Variants in CADM2 observed in about 807,000 individuals in gnomAD.
CADM2 encodes the protein immunoglobulin superfamily member 4D.
In CADM2, 12 loss-of-function variants were observed where a neutral mutation model predicts 49.8. That is an observed-to-expected ratio of 0.24 (90% CI 0.15 to 0.39). The LOEUF is 0.39. CADM2 is among the 10% of genes least tolerant of loss of function. The probability of loss-of-function intolerance (pLI) is 1.00; values close to 1 mark genes in which losing one functional copy is unlikely to be tolerated. For synonymous variants in CADM2, 214 were observed against 175.4 expected (o/e 1.22, Z -1.74); for missense variants, 378 against 492.3 (o/e 0.77, Z 2.20).
intron 5 of CADM2, among the ~76,000 whole-genome samples, chr3:85,891,088 C>T (rs1366043508): frequency 6.6e-6 from 1 of 151,862 alleles, no homozygotes; most frequent in Non-Finnish European, 1.5e-5. Context: ...GTTTTTTATC[C>T]CCTTTATGAG....
intron 1 of CADM2, among the ~76,000 whole-genome samples, chr3:85,093,429 A>G (rs1308582911): frequency 6.6e-6 from 1 of 151,822 alleles, no homozygotes; most frequent in Non-Finnish European, 1.5e-5. Flanking sequence ...GAGAATCAGA[A>G]TCGTTTGAAC....
intron 1 of CADM2, among the ~76,000 whole-genome samples, chr3:85,562,698 G>A (rs1418858374): frequency 1.3e-5 from 2 of 152,068 alleles, no homozygotes; most frequent in African/African-American, 2.4e-5. Context: ...GGAGATGGGG[G>A]GAGCTAAAGG....
At position 85,800,819 on chromosome 3, in the gene CADM2, A is replaced by T. The variant is rs930171839; in HGVS notation, c.89-1228A>T. 3.3e-5 allele frequency: 5 copies of T among 152,294 alleles called. No individual in the cohort carries two copies. In the East Asian group the frequency reaches 9.7e-4, roughly 29 times the overall value. The allele number at this position is 152,294 out of a possible 1,614,324, so 9.4% of individuals were successfully genotyped here. A position where few individuals can be genotyped will look rare whatever the true frequency, so the allele number is the denominator to read the frequency against. ...ATCACCCACCTTCTGCCTTGGTCTC[A>T]CTGGGAGCTGCAGACTGGAGCTGTT... On this transcript the variant is annotated intron_variant, in intron 2 of 9. Transcript: ENST00000383699.
intron 1 of CADM2, among the ~76,000 whole-genome samples, chr3:85,603,000 A>C (rs568320513): frequency 1.1e-4 from 17 of 151,024 alleles, no homozygotes; most frequent in East Asian, 3.9e-4. Flanking sequence ...AGTTAAGCAA[A>C]CCCCCTATGT....
chr3:85,201,995 G>A (rs561723069), intron 1 of CADM2, among the ~76,000 whole-genome samples: 591 of 149,184 alleles, frequency 4.0e-3, no homozygotes, highest in Non-Finnish European at 7.1e-3. Context: ...CAGGAGAACC[G>A]CTTGAACCAG....
intron 1 of CADM2, among the ~76,000 whole-genome samples, chr3:85,285,051 A>T (rs1353280306): frequency 6.6e-6 from 1 of 152,116 alleles, no homozygotes; most frequent in Non-Finnish European, 1.5e-5. Flanking sequence ...TTTTGAAGGT[A>T]GTGCAGATAG....
intron 2 of CADM2, among the ~76,000 whole-genome samples, chr3:85,760,410 A>C (rs1270316847): frequency 6.6e-6 from 1 of 151,740 alleles, no homozygotes; most frequent in East Asian, 1.9e-4. Context: ...TTGTACGTTG[A>C]TGACATTTAT....
intron 1 of CADM2, among the ~76,000 whole-genome samples, chr3:85,705,268 T>G (rs1007220248): frequency 1.3e-5 from 2 of 151,472 alleles, no homozygotes; most frequent in Non-Finnish European, 2.9e-5. Flanking sequence ...ACGTTTTGTA[T>G]GTGATGACTT....
At chr3:85,772,683 CAGTTT>C (rs1434438149) in intron 2 of CADM2, among the ~76,000 whole-genome samples, 2 of 151,982 alleles carry the variant, frequency 1.3e-5, no homozygotes, top group African/African-American at 4.8e-5. Context: ...CCAAGAAGTT[CAGTTT>C]AGAGGAGGAG....
At chr3:85,635,910 C>T (rs761293247) in intron 1 of CADM2, among the ~76,000 whole-genome samples, 1 of 152,082 alleles carries the variant, frequency 6.6e-6, no homozygotes, top group Admixed American at 6.6e-5. Context: ...GTGTTGCAGC[C>T]GTCATAACAT....
chr3:85,296,710 T>C (rs2043973567), intron 1 of CADM2, among the ~76,000 whole-genome samples: 1 of 152,112 alleles, frequency 6.6e-6, no homozygotes, highest in Admixed American at 6.6e-5. Flanking sequence ...CTTTTATTTC[T>C]AAGATCTAAT....
At chr3:85,748,303 T>C (rs1272613080) in intron 2 of CADM2, among the ~76,000 whole-genome samples, 1 of 152,008 alleles carries the variant, frequency 6.6e-6, no homozygotes, top group African/African-American at 2.4e-5. Context: ...ATTCTTCTTA[T>C]AATCAACTTT....
intron 1 of CADM2, among the ~76,000 whole-genome samples, chr3:84,960,982 T>C (rs931480977): frequency 3.9e-5 from 6 of 152,086 alleles, no homozygotes; most frequent in African/African-American, 1.4e-4. Flanking sequence ...GAAATGATGA[T>C]TGATAGAATA....
intron 1 of CADM2, among the ~76,000 whole-genome samples, chr3:85,127,410 A>C (rs539634625): frequency 4.5e-4 from 68 of 152,308 alleles, no homozygotes; most frequent in African/African-American, 1.6e-3. Flanking sequence ...GGAGTTCTTG[A>C]AATGTGGGCT....
chr3:85,818,666 C>T (rs1254685223), intron 3 of CADM2, among the ~76,000 whole-genome samples: 2 of 152,088 alleles, frequency 1.3e-5, no homozygotes, highest in Non-Finnish European at 2.9e-5. Flanking sequence ...TATCTTAGCA[C>T]ATTCATCACA....
chr3:86,025,028 A>G (rs568313424), intron 8 of CADM2, among the ~76,000 whole-genome samples: 20 of 150,688 alleles, frequency 1.3e-4, no homozygotes, highest in Non-Finnish European at 2.4e-4. Context: ...ACAGGCATGC[A>G]CCACTATGCC....
intron 1 of CADM2, among the ~76,000 whole-genome samples, chr3:84,985,842 A>G (rs564300685): frequency 3.3e-5 from 5 of 152,332 alleles, no homozygotes. Flanking sequence ...CAATGCAATT[A>G]AAAGATTCTA....
intron 1 of CADM2, among the ~76,000 whole-genome samples, chr3:85,517,359 T>TTTG (rs1186156313): frequency 3.3e-5 from 5 of 152,082 alleles, no homozygotes; most frequent in Admixed American, 2.0e-4. Context: ...CTCAGATTAT[T>TTTG]AAAGTACTAA....
At chr3:85,205,530 A>G (rs2041611468) in intron 1 of CADM2, among the ~76,000 whole-genome samples, 1 of 152,134 alleles carries the variant, frequency 6.6e-6, no homozygotes, top group Non-Finnish European at 1.5e-5. Context: ...CAGAAGTATT[A>G]AATTATGTAA....
Sources: allele counts gnomAD v4.1 joint callset (sites outside exome capture counted in the v4.1 genomes callset), GRCh38; gene constraint gnomAD v4.1.1; transcripts MANE v1.5; gene names NCBI Gene and HGNC (gene_info 2026-07-23, HGNC 2026-07-21).